Variants in SEMA6D observed in about 807,000 individuals in gnomAD.
The protein encoded by SEMA6D is semaphorin 6D.
A neutral mutation model predicts 106.6 loss-of-function variants in SEMA6D; 35 were observed. That is an observed-to-expected ratio of 0.33 (90% CI 0.25 to 0.44). The LOEUF is 0.44. Among genes scored for constraint, SEMA6D ranks in the 20% least tolerant of loss-of-function variants. SEMA6D has a pLI of 1.00. For synonymous variants in SEMA6D, 499 were observed against 487.7 expected, an observed-to-expected ratio of 1.02 and a Z score of -0.31; for missense variants, 1,185 against 1,345.9, an observed-to-expected ratio of 0.88 and a Z score of 1.87.
At chr15:47,548,409 C>G (rs1596295445) in intron 3 of SEMA6D, among the ~76,000 whole-genome samples, 2 of 152,198 alleles carry the variant, frequency 1.3e-5, no homozygotes, top group East Asian at 3.9e-4. Context: ...CTTTCTTGGC[C>G]CTCTCCCTTC....
rs1191924976 is a variant in SEMA6D, at chr15:47,764,318, G to C, written c.1097+13G>C. On this transcript the variant is annotated intron_variant, in intron 11 of 18. Coordinates refer to ENST00000536845, the MANE Select transcript of SEMA6D (RefSeq NM_001358351.3). ...TGCCAAAGCCAAGGTAAATAAAAAA[G>C]TAGAAAAGGGTTTTGTCTTGAACAA... The C allele has an allele frequency of 6.2e-7, 1 of 1,609,032 alleles. No individual in the cohort carries two copies. Among genetic ancestry groups the C allele is most frequent in the African/African-American group, 1.3e-5 (1 of 74,362 alleles).
chr15:47,682,643 T>G (rs916920846), intron 4 of SEMA6D, among the ~76,000 whole-genome samples: 2 of 152,244 alleles, frequency 1.3e-5, no homozygotes, highest in Non-Finnish European at 2.9e-5. Flanking sequence ...CTTGGATGCT[T>G]CTTTTCCAGG....
chr15:47,248,060 A>C (rs1218779022), intron 1 of SEMA6D, among the ~76,000 whole-genome samples: 1 of 152,220 alleles, frequency 6.6e-6, no homozygotes, highest in Non-Finnish European at 1.5e-5. Flanking sequence ...AAAAATTCAA[A>C]GTACCTTATA....
At chr15:47,382,559 T>C (rs1388786604) in intron 1 of SEMA6D, among the ~76,000 whole-genome samples, 1 of 152,164 alleles carries the variant, frequency 6.6e-6, no homozygotes, top group Non-Finnish European at 1.5e-5. Context: ...AAGAGATTTC[T>C]TTAAAAGTAA....
intron 1 of SEMA6D, among the ~76,000 whole-genome samples, chr15:47,723,631 A>T (rs772366545): frequency 6.6e-6 from 1 of 152,188 alleles, no homozygotes. Flanking sequence ...AAAATCTTTC[A>T]ATCAGATACA....
At chr15:47,202,852 C>T (rs975165993) in intron 1 of SEMA6D, among the ~76,000 whole-genome samples, 5 of 151,814 alleles carry the variant, frequency 3.3e-5, no homozygotes, top group Admixed American at 6.6e-5. Context: ...CTTCTAAGAG[C>T]GAAAAAATGT....
At chr15:47,233,260 G>A (rs191301610) in intron 1 of SEMA6D, among the ~76,000 whole-genome samples, 3 of 152,094 alleles carry the variant, frequency 2.0e-5, no homozygotes, top group Admixed American at 6.6e-5. Flanking sequence ...TCATAGGCAT[G>A]AGTTTACTTC....
intron 3 of SEMA6D, among the ~76,000 whole-genome samples, chr15:47,508,295 T>C (rs2044115197): frequency 6.6e-6 from 1 of 152,174 alleles, no homozygotes; most frequent in Admixed American, 6.6e-5. Flanking sequence ...CAAAAAACGA[T>C]ATAAAAGCCC....
At chr15:47,196,885 T>C (rs1220700839) in intron 1 of SEMA6D, among the ~76,000 whole-genome samples, 1 of 152,150 alleles carries the variant, frequency 6.6e-6, no homozygotes, top group African/African-American at 2.4e-5. Flanking sequence ...GATCTTAAGC[T>C]TGTCAGGTTG....
intron 4 of SEMA6D, among the ~76,000 whole-genome samples, chr15:47,660,403 T>C (rs926834002): frequency 2.6e-5 from 4 of 152,150 alleles, no homozygotes; most frequent in African/African-American, 9.7e-5. Flanking sequence ...GGCAGATCTA[T>C]ATATAACTAT....
At chr15:47,211,923 C>A (rs1244862927) in intron 1 of SEMA6D, among the ~76,000 whole-genome samples, 1 of 151,770 alleles carries the variant, frequency 6.6e-6, no homozygotes. Flanking sequence ...ATAAATACTG[C>A]AGACAGTCAA....
At chr15:47,373,487 A>G (rs187528538) in intron 1 of SEMA6D, among the ~76,000 whole-genome samples, 196 of 152,290 alleles carry the variant, frequency 1.3e-3, no homozygotes, top group African/African-American at 4.6e-3. Context: ...ACCCAATGTC[A>G]TTGGATGCTG....
At chr15:47,632,218 G>A (rs72735825) in intron 4 of SEMA6D, among the ~76,000 whole-genome samples, 5,211 of 151,876 alleles carry the variant, frequency 0.034, 127 homozygotes, top group Non-Finnish European at 0.047. Flanking sequence ...ATTTTATGGC[G>A]CAAGTTATGG....
chr15:47,697,386 A>C (rs564937363), intron 4 of SEMA6D, among the ~76,000 whole-genome samples: 1 of 152,246 alleles, frequency 6.6e-6, no homozygotes, highest in South Asian at 2.1e-4. Flanking sequence ...CTGAACTCCC[A>C]CAAGAACTTC....
chr15:47,771,692 G>GAGTCCTAGGCACTCTTCCT lies in SEMA6D; in HGVS notation c.3131_3132insTCCTAGGCACTCTTCCTAG (p.Arg1044SerfsTer7), dbSNP rs1339522732. On this transcript the variant is annotated frameshift_variant, in exon 19 of 19. Transcript: ENST00000536845. LOFTEE classifies it high-confidence loss of function. ...GCACTCTTCCTAGGACGGGACTAAAGAGGACGCCGTCCTTAAAACCTGACG... is the reference window on the plus strand; with the variant it reads ...GCACTCTTCCTAGGACGGGACTAAAGAGTCCTAGGCACTCTTCCTAGGACGCCGTCCTTAAAACCTGACG... 1 of 1,613,944 alleles carries GAGTCCTAGGCACTCTTCCT rather than the reference G, an allele frequency of 6.2e-7. No homozygotes were observed. Among genetic ancestry groups the GAGTCCTAGGCACTCTTCCT allele is most frequent in the East Asian group, 2.2e-5 (1 of 44,874 alleles).
intron 1 of SEMA6D, among the ~76,000 whole-genome samples, chr15:47,295,790 A>T (rs2035780945): frequency 6.6e-6 from 1 of 152,230 alleles, no homozygotes. Context: ...AAAGCCATTT[A>T]GTTGGGAGCC....
chr15:47,343,395 A>C (rs1420125325), intron 1 of SEMA6D, among the ~76,000 whole-genome samples: 1 of 151,636 alleles, frequency 6.6e-6, no homozygotes, highest in East Asian at 1.9e-4. Context: ...TCCTAATGCT[A>C]TCCCTCCCCA....
intron 3 of SEMA6D, among the ~76,000 whole-genome samples, chr15:47,557,269 T>C (rs1015823999): frequency 6.6e-6 from 1 of 152,146 alleles, no homozygotes; most frequent in African/African-American, 2.4e-5. Context: ...ATCACTGCAC[T>C]TTTGCAAAGT....
chr15:47,219,718 A>G (rs1392460604), intron 1 of SEMA6D, among the ~76,000 whole-genome samples: 1 of 152,244 alleles, frequency 6.6e-6, no homozygotes, highest in East Asian at 1.9e-4. Flanking sequence ...ATTGCTACAT[A>G]ACAAACCACC....
Sources: allele counts gnomAD v4.1 joint callset (sites outside exome capture counted in the v4.1 genomes callset), GRCh38; gene constraint gnomAD v4.1.1; transcripts MANE v1.5; gene names NCBI Gene and HGNC (gene_info 2026-07-23, HGNC 2026-07-21).